The following KIF13A variants were observed in gnomAD, a reference collection of about 807,000 sequenced individuals.
KIF13A encodes kinesin family member 13A, also known as kinesin-like protein KIF13A.
In KIF13A, 79 loss-of-function variants were observed where a neutral mutation model predicts 212.2. The observed-to-expected ratio is 0.37, with a 90% CI of 0.31 to 0.45. KIF13A has a LOEUF of 0.45. Ranked by LOEUF, KIF13A falls within the 20% of genes least tolerant of loss-of-function variation. The pLI is 1.00. For missense variants in KIF13A, 1,901 were observed against 2,209.0 expected (o/e 0.86, Z 2.79); for synonymous variants, 789 against 808.6 (o/e 0.98, Z 0.41).
At chr6:17,782,545 A>C in intron 29 of KIF13A, among the ~76,000 whole-genome samples, 1 of 151,888 alleles carries the variant, frequency 6.6e-6, no homozygotes, top group Non-Finnish European at 1.5e-5. Context: ...CTGAGGTAGA[A>C]AACTGCTTGA....
In KIF13A at chr6:17,883,664, T is replaced by G. The variant is rs1045858617; in HGVS notation, c.160-10227A>C. 1.3e-5 allele frequency among the ~76,000 whole-genome samples: 2 copies of G among 152,190 alleles called. No homozygotes were observed. The highest frequency in any genetic ancestry group is 4.8e-5 in the African/African-American group (2 of 41,450). ...CCTATTCATCTGTATATTACGTCAA[T>G]GGTCAGCCAACTTCTCAGCTCTGAG... is the stretch of plus-strand genomic sequence containing the variant. On this transcript the variant is annotated intron_variant, in intron 3 of 38. Coordinates refer to ENST00000259711, the MANE Select transcript of KIF13A (RefSeq NM_022113.6). This position sits in a 1 kb window ranked among gnomAD's most constrained non-coding sequence, Gnocchi z 4.8.
chr6:17,923,082 G>A (rs1474576072), intron 2 of KIF13A, among the ~76,000 whole-genome samples: 3 of 151,706 alleles, frequency 2.0e-5, no homozygotes, highest in South Asian at 2.1e-4. Flanking sequence ...GACCAGCCTG[G>A]GCAACATGGC....
intron 23 of KIF13A, among the ~76,000 whole-genome samples, chr6:17,796,427 G>C (rs1196688265): frequency 2.6e-5 from 4 of 151,456 alleles, no homozygotes; most frequent in Non-Finnish European, 4.4e-5. Context: ...GTATTTAGTA[G>C]AGATGTGGTT....
At chr6:17,920,569 A>G (rs552058197) in intron 2 of KIF13A, among the ~76,000 whole-genome samples, 67 of 152,224 alleles carry the variant, frequency 4.4e-4, no homozygotes, top group African/African-American at 1.5e-3. Context: ...TATTCACTCT[A>G]CTTTCATGTA....
chr6:17,927,869 G>A (rs933913243), intron 2 of KIF13A, among the ~76,000 whole-genome samples: 8 of 152,168 alleles, frequency 5.3e-5, no homozygotes, highest in African/African-American at 1.9e-4. Context: ...CTCTTGGCGT[G>A]AGCCCGTGCA....
chr6:17,936,073 C>T (rs1389029470), intron 2 of KIF13A, among the ~76,000 whole-genome samples: 1 of 152,190 alleles, frequency 6.6e-6, no homozygotes, highest in East Asian at 1.9e-4. Context: ...TTACTTATGT[C>T]AAAGTCCAGG....
Position 17,773,605 on chromosome 6 carries a change from T to TA in KIF13A, c.4219-23dup. ...AACCCTACAAGGTAAAAATATGGGT[T>TA]AACTGTAATTGAATCACTCCAAAAT... On this transcript the variant is annotated intron_variant, in intron 35 of 38. Transcript: ENST00000259711. This position sits in a 1 kb window ranked among gnomAD's most constrained non-coding sequence, Gnocchi z 4.2. 7.2e-7 allele frequency: 1 copy of TA among 1,396,138 alleles called. No homozygotes were observed. Among genetic ancestry groups the TA allele is most frequent in the African/African-American group, 1.4e-5 (1 of 70,794 alleles). 86.5% of individuals were successfully genotyped at this position (1,396,138 alleles called of 1,614,324 possible). A position where few individuals can be genotyped will look rare whatever the true frequency, so the allele number is the denominator to read the frequency against.
At chr6:17,881,507 C>T (rs912639028) in intron 3 of KIF13A, 8 of 432,940 alleles carry the variant, frequency 1.8e-5, no homozygotes, top group Admixed American at 1.1e-4. Flanking sequence ...CCATCCTGGC[C>T]AACATATGGT....
At chr6:17,913,724 A>AGG (rs1245273287) in intron 2 of KIF13A, among the ~76,000 whole-genome samples, 3 of 152,108 alleles carry the variant, frequency 2.0e-5, no homozygotes, top group Non-Finnish European at 2.9e-5. Flanking sequence ...CAATCCACCG[A>AGG]GGGGGGATTG....
intron 25 of KIF13A, among the ~76,000 whole-genome samples, chr6:17,793,651 G>A (rs1049156792): frequency 1.3e-5 from 2 of 151,958 alleles, no homozygotes; most frequent in African/African-American, 4.8e-5. Flanking sequence ...GGTGGCTCAT[G>A]CCTGTAATCC....
intron 38 of KIF13A, among the ~76,000 whole-genome samples, chr6:17,766,167 C>T (rs556845962): frequency 8.5e-5 from 13 of 152,230 alleles, no homozygotes; most frequent in Admixed American, 3.3e-4. Flanking sequence ...ACCGAAGCAT[C>T]AGCCTTACTC....
At chr6:17,824,769 A>AAC (rs1374130591) in intron 16 of KIF13A, among the ~76,000 whole-genome samples, 3 of 147,078 alleles carry the variant, frequency 2.0e-5, no homozygotes, top group Non-Finnish European at 4.5e-5. Context: ...TCAAAAAAAA[A>AAC]AAAAAAAAAA....
chr6:17,922,463 T>C (rs1454330253), intron 2 of KIF13A, among the ~76,000 whole-genome samples: 2 of 152,130 alleles, frequency 1.3e-5, no homozygotes, highest in Admixed American at 6.5e-5. Context: ...CACACATCAA[T>C]GTGGATGAAT....
rs1767521813 is a variant in KIF13A, at chr6:17,850,368, C to T, written c.672G>A (p.Val224=). ...MNEESSRSHA[V]FNIIITQTLY... is the part of the protein sequence containing the mutation. ...GTGTCTGTGTGATTATGATGTTGAA[C>T]ACAGCATGGGAGCGGCTGCTTTCTT... The change falls in exon 8 of 39, where the codon GTG becomes GTA. Residue 224 remains valine, a synonymous_variant. Transcript: ENST00000259711. This position sits in a 1 kb window ranked among gnomAD's most constrained non-coding sequence, Gnocchi z 6.2. 1.2e-6 allele frequency: 2 copies of T among 1,613,886 alleles called. No homozygotes were observed. The highest frequency in any genetic ancestry group is 1.3e-5 in the African/African-American group (1 of 75,032).
intron 20 of KIF13A, among the ~76,000 whole-genome samples, chr6:17,803,802 T>C (rs1318872190): frequency 1.3e-5 from 2 of 152,046 alleles, no homozygotes; most frequent in Non-Finnish European, 2.9e-5. Flanking sequence ...CCCATTTGAT[T>C]AAAACAAAGA....
chr6:17,820,527 C>T (rs1297964615), intron 16 of KIF13A, among the ~76,000 whole-genome samples: 1 of 152,208 alleles, frequency 6.6e-6, no homozygotes, highest in African/African-American at 2.4e-5. Flanking sequence ...CGATCTGACT[C>T]TATGATGTGG....
rs1354723035 is a variant in KIF13A at position 17,963,455 on chromosome 6, G to A, written c.146+23599C>T. ...ATAAATAAAAATAGAAGAGCATCAT[G>A]TGAAGTAACATGGATAGATAAGGTC... On this transcript the variant is annotated intron_variant, in intron 2 of 38. Transcript: ENST00000259711. This position sits in a 1 kb window ranked among gnomAD's most constrained non-coding sequence, Gnocchi z 4.1. 6.6e-6 allele frequency among the ~76,000 whole-genome samples: 1 copy of A among 152,174 alleles called. No individual in the cohort carries two copies. Among genetic ancestry groups the A allele is most frequent in the Non-Finnish European group, 1.5e-5 (1 of 68,038 alleles).
In KIF13A at chr6:17,912,398, T is replaced by C. The variant is rs900121699; in HGVS notation, c.147-14218A>G. Among the ~76,000 whole-genome samples, 1 of 152,202 alleles carries C rather than the reference T, an allele frequency of 6.6e-6. No individual in the cohort carries two copies. Among genetic ancestry groups the C allele is most frequent in the Non-Finnish European group, 1.5e-5 (1 of 68,042 alleles). The stretch of plus-strand genomic sequence containing the variant: ...CTATCACCCAAACTGGGAGTGATCT[T>C]GATAACAGCATCAGCCTGCCTGACC... On this transcript the variant is annotated intron_variant, in intron 2 of 38. Transcript: ENST00000259711. This position sits in a 1 kb window ranked among gnomAD's most constrained non-coding sequence, Gnocchi z 4.2.
chr6:17,815,314 A>G (rs918068830), intron 17 of KIF13A, among the ~76,000 whole-genome samples: 2 of 150,652 alleles, frequency 1.3e-5, no homozygotes, highest in East Asian at 3.9e-4. Flanking sequence ...AGGCCTCTGG[A>G]TGGCTGCGGG....
Sources: gnomAD v4.1 joint callset for allele counts (sites outside exome capture counted in the v4.1 genomes callset) on GRCh38, gnomAD v4.1.1 for gene constraint, Gnocchi (gnomAD v3.1) non-coding constraint, MANE v1.5 for transcripts, NCBI Gene and HGNC (gene_info 2026-07-23, HGNC 2026-07-21) for gene names.